The following MYO3B variants were observed in gnomAD, a reference collection of about 807,000 sequenced individuals.
MYO3B encodes myosin IIIB.
In MYO3B, 156 loss-of-function variants were observed where a neutral mutation model predicts 174.6. That is an observed-to-expected ratio of 0.89 (90% CI 0.78 to 1.02). The LOEUF (loss-of-function observed/expected upper bound fraction) is 1.02. MYO3B is among the 50% of genes least tolerant of loss of function. The pLI, the probability that MYO3B is intolerant of heterozygous loss-of-function variation, is 0.00. For missense variants in MYO3B, 1,632 were observed against 1,639.4 expected (o/e 1.00, Z 0.08); for synonymous variants, 563 against 569.1 (o/e 0.99, Z 0.15).
intron 32 of MYO3B, among the ~76,000 whole-genome samples, chr2:170,579,976 A>G (rs1054068214): frequency 3.3e-5 from 5 of 152,246 alleles, no homozygotes; most frequent in Admixed American, 1.3e-4. Context: ...CAGAAATTAC[A>G]GAGTTGTGAT....
chr2:170,649,481 CTTACTT>C (rs1383235303), intron 32 of MYO3B, among the ~76,000 whole-genome samples: 4 of 132,434 alleles, frequency 3.0e-5, no homozygotes, highest in Admixed American at 1.7e-4. Context: ...TTTCATCGAA[CTTACTT>C]TTACTTAAAC....
intron 7 of MYO3B, among the ~76,000 whole-genome samples, chr2:170,322,368 A>T (rs1346073504): frequency 6.6e-6 from 1 of 152,206 alleles, no homozygotes; most frequent in African/African-American, 2.4e-5. Flanking sequence ...AGAAAAATAA[A>T]TGTGTGCTTG....
chr2:170,380,316 A>G (rs1332407770), intron 9 of MYO3B, among the ~76,000 whole-genome samples: 1 of 152,154 alleles, frequency 6.6e-6, no homozygotes, highest in East Asian at 1.9e-4. Context: ...AAATGTTAAC[A>G]AGGATGTAAG....
At chr2:170,237,696 C>T (rs1050982240) in intron 7 of MYO3B, among the ~76,000 whole-genome samples, 1 of 152,152 alleles carries the variant, frequency 6.6e-6, no homozygotes, top group Admixed American at 6.5e-5. Context: ...ATGTGGAATA[C>T]GAGTAACTAA....
intron 22 of MYO3B, among the ~76,000 whole-genome samples, chr2:170,430,462 C>T (rs1434100806): frequency 6.6e-6 from 1 of 150,762 alleles, no homozygotes; most frequent in African/African-American, 2.4e-5. Flanking sequence ...ATCTCCGCCT[C>T]CTGGGTTCGA....
At chr2:170,290,966 G>A (rs116968638) in intron 7 of MYO3B, among the ~76,000 whole-genome samples, 3 of 152,008 alleles carry the variant, frequency 2.0e-5, no homozygotes, top group African/African-American at 4.8e-5. Context: ...ACAAACAAAG[G>A]TGGCCAGGTA....
intron 6 of MYO3B, among the ~76,000 whole-genome samples, chr2:170,221,027 AT>A (rs1360536384): frequency 3.3e-5 from 5 of 152,152 alleles, no homozygotes; most frequent in Non-Finnish European, 5.9e-5. Flanking sequence ...ACAACCTTCC[AT>A]TTTTCAATTC....
At chr2:170,612,369 A>G (rs576566961) in intron 32 of MYO3B, among the ~76,000 whole-genome samples, 1 of 152,232 alleles carries the variant, frequency 6.6e-6, no homozygotes, top group Non-Finnish European at 1.5e-5. Context: ...AGGGCTAGTC[A>G]TTGTGCCCTG....
At chr2:170,217,940 G>T (rs565365641) in intron 6 of MYO3B, among the ~76,000 whole-genome samples, 3 of 152,228 alleles carry the variant, frequency 2.0e-5, no homozygotes, top group African/African-American at 7.2e-5. Flanking sequence ...GCATGTAGAA[G>T]TTTGGGGAAC....
intron 7 of MYO3B, among the ~76,000 whole-genome samples, chr2:170,274,008 G>C (rs955777239): frequency 1.3e-5 from 2 of 152,074 alleles, no homozygotes; most frequent in African/African-American, 4.8e-5. Context: ...GGTGATGTGT[G>C]TATGAGCTGA....
At chr2:170,191,664 G>C (rs1286495603) in intron 1 of MYO3B, among the ~76,000 whole-genome samples, 1 of 152,158 alleles carries the variant, frequency 6.6e-6, no homozygotes, top group African/African-American at 2.4e-5. Flanking sequence ...TCCCGCAAGT[G>C]CACAGATTAT....
At chr2:170,243,129 A>G (rs1405137429) in intron 7 of MYO3B, among the ~76,000 whole-genome samples, 1 of 152,220 alleles carries the variant, frequency 6.6e-6, no homozygotes, top group Non-Finnish European at 1.5e-5. Flanking sequence ...GTATCAGTTA[A>G]CTACTAGTAT....
At chr2:170,553,980 T>C (rs1691107365) in intron 32 of MYO3B, among the ~76,000 whole-genome samples, 1 of 152,148 alleles carries the variant, frequency 6.6e-6, no homozygotes, top group Non-Finnish European at 1.5e-5. Context: ...GAACTGTAAG[T>C]TTTCTGAGGC....
chr2:170,629,590 C>G (rs1696767752), intron 32 of MYO3B, among the ~76,000 whole-genome samples: 1 of 152,196 alleles, frequency 6.6e-6, no homozygotes, highest in Admixed American at 6.5e-5. Flanking sequence ...TGGCTCACAC[C>G]TGTAATCCTA....
intron 23 of MYO3B, among the ~76,000 whole-genome samples, chr2:170,460,423 G>A (rs904887165): frequency 5.9e-5 from 8 of 135,488 alleles, no homozygotes; most frequent in Admixed American, 5.2e-4. Flanking sequence ...AGGAGGCAGA[G>A]GTTGCAGTGA....
chr2:170,638,191 A>C (rs1042030792), intron 32 of MYO3B, among the ~76,000 whole-genome samples: 2 of 151,796 alleles, frequency 1.3e-5, no homozygotes, highest in Middle Eastern at 3.4e-3. Context: ...TGCCCTCTCT[A>C]TGTGTAAAAA....
chr2:170,581,998 C>T (rs1015640682), intron 32 of MYO3B, among the ~76,000 whole-genome samples: 6 of 152,188 alleles, frequency 3.9e-5, no homozygotes, highest in Admixed American at 2.6e-4. Flanking sequence ...GTGGGATATA[C>T]ACCAAGATTG....
At chr2:170,352,812 T>C (rs2094086156) in intron 8 of MYO3B, among the ~76,000 whole-genome samples, 1 of 152,228 alleles carries the variant, frequency 6.6e-6, no homozygotes, top group Admixed American at 6.5e-5. Context: ...GTCTTCCTAC[T>C]GCATATAACT....
chr2:170,290,905 T>C (rs1188899261), intron 7 of MYO3B, among the ~76,000 whole-genome samples: 1 of 150,240 alleles, frequency 6.7e-6, no homozygotes, highest in Non-Finnish European at 1.5e-5. Flanking sequence ...ATATAACAGG[T>C]TACTTTAAAG....
Sources: gnomAD v4.1 joint callset for allele counts (sites outside exome capture counted in the v4.1 genomes callset) on GRCh38, gnomAD v4.1.1 for gene constraint, MANE v1.5 for transcripts, NCBI Gene and HGNC (gene_info 2026-07-23, HGNC 2026-07-21) for gene names.